The following SLC15A2 variants were observed in gnomAD, a reference collection of about 807,000 sequenced individuals.
SLC15A2 encodes solute carrier family 15 member 2, also known as kidney H(+)/peptide cotransporter.
In SLC15A2, 77 loss-of-function variants were observed where a neutral mutation model predicts 95.5. That is an observed-to-expected ratio of 0.81 (90% CI 0.67 to 0.97). The LOEUF (loss-of-function observed/expected upper bound fraction) is 0.97. Ranked by LOEUF, SLC15A2 falls within the 50% of genes least tolerant of loss-of-function variation. SLC15A2 has a pLI of 0.00. For missense variants in SLC15A2, 893 were observed against 874.4 expected (o/e 1.02, Z -0.27); for synonymous variants, 306 against 306.9 (o/e 1.00, Z 0.03).
At chr3:121,900,017 T>A in intron 3 of SLC15A2, among the ~76,000 whole-genome samples, 1 of 152,170 alleles carries the variant, frequency 6.6e-6, no homozygotes, top group East Asian at 1.9e-4. Flanking sequence ...TTCTTACTTA[T>A]CTGGCTTCTC....
intron 3 of SLC15A2, among the ~76,000 whole-genome samples, chr3:121,903,714 G>GTGTTTTGGTACCAGTACCATGC (rs1174304578): frequency 6.6e-6 from 1 of 152,010 alleles, no homozygotes; most frequent in Non-Finnish European, 1.5e-5. Context: ...GTCTATATAT[G>GTGTTTTGGTACCAGTACCATGC]TGTTTTGGTA....
At chr3:121,918,383 T>C (rs1367102695) in intron 7 of SLC15A2, among the ~76,000 whole-genome samples, 1 of 152,206 alleles carries the variant, frequency 6.6e-6, no homozygotes. Context: ...GTTTTGAACA[T>C]GTTGCATTTT....
At chr3:121,896,385 C>T in intron 1 of SLC15A2, 21 bp from the exon 2 acceptor site, 1 of 1,580,656 alleles carries the variant, frequency 6.3e-7, no homozygotes. Flanking sequence ...ATGCTTGAAT[C>T]ATTGCCTTCT....
intron 13 of SLC15A2, among the ~76,000 whole-genome samples, chr3:121,926,788 TCAA>T (rs1226405659): frequency 6.6e-6 from 1 of 152,208 alleles, no homozygotes; most frequent in East Asian, 1.9e-4. Flanking sequence ...CCACGGGCAC[TCAA>T]CAACCTGTGA....
chr3:121,931,874 A>C, intron 19 of SLC15A2, 139 bp downstream of exon 19: 2 of 589,426 alleles, frequency 3.4e-6, no homozygotes, highest in Non-Finnish European at 6.0e-6. Flanking sequence ...ATAAGATGAC[A>C]GGTTCTACAG....
chr3:121,938,679 G>A (rs1373569143), intron 19 of SLC15A2, among the ~76,000 whole-genome samples: 2 of 152,344 alleles, frequency 1.3e-5, no homozygotes, highest in South Asian at 4.1e-4. Context: ...ACTCCCTAGT[G>A]AGATGAGCCC....
At chr3:121,920,605 C>A (rs1212965276) in intron 7 of SLC15A2, among the ~76,000 whole-genome samples, 1 of 152,118 alleles carries the variant, frequency 6.6e-6, no homozygotes, top group Non-Finnish European at 1.5e-5. Flanking sequence ...CGTCTAGGTA[C>A]TTTTTTATCT....
At chr3:121,921,415 A>G (rs956014122) in intron 7 of SLC15A2, among the ~76,000 whole-genome samples, 21 of 152,224 alleles carry the variant, frequency 1.4e-4, no homozygotes, top group African/African-American at 5.1e-4. Context: ...TCAAAAGTCC[A>G]GTTCTGGTAT....
chr3:121,896,844 T>A (rs1709423511), intron 2 of SLC15A2, among the ~76,000 whole-genome samples: 1 of 146,056 alleles, frequency 6.8e-6, no homozygotes, highest in African/African-American at 2.6e-5. Context: ...CACCTGTAAT[T>A]GTGCCAGTGA....
At chr3:121,928,182 G>A in intron 14 of SLC15A2, 1 of 570,344 alleles carries the variant, frequency 1.8e-6, no homozygotes, top group Non-Finnish European at 3.1e-6. Context: ...TACGGATGAG[G>A]CCACAGCTGA....
Position 121,896,489 on chromosome 3 carries a change from GA to G in SLC15A2, c.192del (p.Ala65LeufsTer3), listed in dbSNP as rs1271761337. 3 of 1,613,558 alleles carry G rather than the reference GA, an allele frequency of 1.9e-6. No individual in the cohort carries two copies. The highest frequency in any genetic ancestry group is 2.5e-6 in the Non-Finnish European group (3 of 1,179,542). ...GCGAGCGCTTTTCCTATTATGGAAT[GA>G]AAGGTAATTTTGTGTCCAAGAGTCC... is the stretch of plus-strand genomic sequence containing the variant. ...FCERFSYYGM[K>X]AVLILYFLYF... is the part of the protein sequence containing the mutation. On this transcript the variant is annotated frameshift_variant, in exon 2 of 22. Coordinates refer to ENST00000489711, the MANE Select transcript of SLC15A2 (RefSeq NM_021082.4). LOFTEE classifies it high-confidence loss of function.
chr3:121,896,827 T>A (rs910102483), intron 2 of SLC15A2, among the ~76,000 whole-genome samples: 1 of 148,146 alleles, frequency 6.8e-6, no homozygotes, highest in Non-Finnish European at 1.5e-5. Flanking sequence ...AGTTCAAGGT[T>A]ATCAGGCACC....
At position 121,922,343 on chromosome 3, in the gene SLC15A2, G is replaced by A. The variant is rs41271413; in HGVS notation, c.780+41G>A. 3,117 of 1,516,200 alleles carry A rather than the reference G, an allele frequency of 2.1e-3. 6 individuals carry two copies. The highest frequency in any genetic ancestry group is 2.6e-3 in the Middle Eastern group (15 of 5,864). 93.9% of individuals were successfully genotyped at this position (1,516,200 alleles called of 1,614,324 possible). A position where few individuals can be genotyped will look rare whatever the true frequency, so the allele number is the denominator to read the frequency against. Reference sequence around the variant, plus strand: ...GTTTTCTTGCCTTTTTCAATCAAAAGAAAGAGATGCTATGCTGAGAATATG... The same window carrying A: ...GTTTTCTTGCCTTTTTCAATCAAAAAAAAGAGATGCTATGCTGAGAATATG... On this transcript the variant is annotated intron_variant, in intron 8 of 21. Coordinates refer to ENST00000489711, the MANE Select transcript of SLC15A2 (RefSeq NM_021082.4).
At chr3:121,922,352 G>A in intron 8 of SLC15A2, 50 bp downstream of exon 8, 2 of 1,461,952 alleles carry the variant, frequency 1.4e-6, no homozygotes, top group Non-Finnish European at 1.9e-6. Context: ...AGAAAGAGAT[G>A]CTATGCTGAG....
intron 14 of SLC15A2, among the ~76,000 whole-genome samples, chr3:121,928,075 A>G (rs893157858): frequency 6.6e-6 from 1 of 152,240 alleles, no homozygotes; most frequent in African/African-American, 2.4e-5. Flanking sequence ...TCAAACACTA[A>G]TATCCAAGAG....
chr3:121,937,590 TCTCGAGC>T (rs1313621490), intron 19 of SLC15A2, among the ~76,000 whole-genome samples: 1 of 151,698 alleles, frequency 6.6e-6, no homozygotes. Context: ...TTCACGTAGT[TCTCGAGC>T]CTTGGTTTTC....
In SLC15A2 at chr3:121,897,491, G is replaced by A. The variant is rs768245065; in HGVS notation, c.297G>A (p.Leu99=). The change falls in exon 3 of 22, where the codon CTG becomes CTA. Residue 99 remains leucine (L), a synonymous_variant. Coordinates refer to ENST00000489711, the MANE Select transcript of SLC15A2 (RefSeq NM_021082.4). ...FSSLCYFTPI[L]GAAIADSWLG... is the part of the protein sequence containing the mutation. Reference sequence around the variant, plus strand: ...GCCTCTGTTATTTTACTCCCATCCTGGGAGCAGCCATTGCTGACTCGTGGT... The same window carrying A: ...GCCTCTGTTATTTTACTCCCATCCTAGGAGCAGCCATTGCTGACTCGTGGT... 1.2e-6 allele frequency: 2 copies of A among 1,613,774 alleles called. No individual in the cohort carries two copies.
At chr3:121,895,394 A>G (rs1709397684) in intron 1 of SLC15A2, 1 of 152,230 alleles carries the variant, frequency 6.6e-6, no homozygotes, top group Non-Finnish European at 1.5e-5. Context: ...AGTTCATTGT[A>G]TGTTTCAAAC....
At position 121,923,288 on chromosome 3, in the gene SLC15A2, GAGA is replaced by G. The variant is rs574204075; in HGVS notation, c.1002+25_1002+27del. 16 of 1,610,590 alleles carry G rather than the reference GAGA, an allele frequency of 9.9e-6. No homozygotes were observed. In the South Asian group the frequency reaches 1.8e-4, roughly 18 times the overall value. Reference sequence around the variant, plus strand: ...TTTGGTGAGTAGAAGAGATTTTCCAGAGAAGTCTATTATTTTCTTCATCATCCA... The same window carrying G: ...TTTGGTGAGTAGAAGAGATTTTCCAGAGTCTATTATTTTCTTCATCATCCA... On this transcript the variant is annotated intron_variant, in intron 11 of 21. Coordinates refer to ENST00000489711, the MANE Select transcript of SLC15A2 (RefSeq NM_021082.4).
Sources: gnomAD v4.1 joint callset for allele counts (sites outside exome capture counted in the v4.1 genomes callset) on GRCh38, gnomAD v4.1.1 for gene constraint, MANE v1.5 for transcripts, NCBI Gene and HGNC (gene_info 2026-07-23, HGNC 2026-07-21) for gene names.